RBFOX1: variants seen among roughly 807,000 people sequenced by gnomAD.
The protein encoded by RBFOX1 is RNA binding fox-1 homolog 1.
In RBFOX1, 8 loss-of-function variants were observed where a neutral mutation model predicts 57.7. The ratio of observed to expected loss-of-function variants is 0.14; its 90% confidence interval spans 0.08 to 0.25. The LOEUF (loss-of-function observed/expected upper bound fraction) is 0.25. Ranked by LOEUF, RBFOX1 falls within the 10% of genes least tolerant of loss-of-function variation. The pLI, the probability that RBFOX1 is intolerant of heterozygous loss-of-function variation, is 1.00. For synonymous variants in RBFOX1, 326 were observed against 222.4 expected (o/e 1.47, Z -4.15); for missense variants, 611 against 548.5 (o/e 1.11, Z -1.14).
chr16:5,382,268 A>G (rs570840920), intron 1 of RBFOX1, among the ~76,000 whole-genome samples: 2 of 152,370 alleles, frequency 1.3e-5, no homozygotes, highest in East Asian at 3.9e-4. Context: ...TTTTTAAAAA[A>G]TGCTCAAATA....
chr16:6,196,185 C>A (rs888959685), intron 1 of RBFOX1, among the ~76,000 whole-genome samples: 1 of 152,086 alleles, frequency 6.6e-6, no homozygotes, highest in Non-Finnish European at 1.5e-5. Flanking sequence ...GAAACTGAGG[C>A]CTCAAAGAGT....
intron 3 of RBFOX1, among the ~76,000 whole-genome samples, chr16:6,681,051 C>T (rs149322898): frequency 6.6e-6 from 1 of 152,110 alleles, no homozygotes; most frequent in Non-Finnish European, 1.5e-5. Context: ...TGGCTCACAC[C>T]CATAATGCCA....
At chr16:6,215,360 G>A (rs1174636610) in intron 1 of RBFOX1, among the ~76,000 whole-genome samples, 3 of 146,512 alleles carry the variant, frequency 2.0e-5, no homozygotes, top group Admixed American at 6.8e-5. Flanking sequence ...GAGGGACAGG[G>A]AGAGAAGGAG....
intron 4 of RBFOX1, among the ~76,000 whole-genome samples, chr16:7,227,912 A>G (rs2093251104): frequency 2.0e-5 from 3 of 152,124 alleles, no homozygotes; most frequent in East Asian, 1.9e-4. Flanking sequence ...TTTCCCTTCT[A>G]GCAGGATTTT....
chr16:5,373,045 A>G (rs928522182), intron 1 of RBFOX1, among the ~76,000 whole-genome samples: 2 of 152,194 alleles, frequency 1.3e-5, no homozygotes, highest in Non-Finnish European at 2.9e-5. Context: ...TCACATCTTG[A>G]TATCACCTCT....
chr16:7,679,008 G>C (rs897874021), intron 14 of RBFOX1, among the ~76,000 whole-genome samples: 2 of 152,128 alleles, frequency 1.3e-5, no homozygotes, highest in African/African-American at 2.4e-5. Flanking sequence ...TGGTCTTCTT[G>C]GTTGCTGTGG....
intron 10 of RBFOX1, among the ~76,000 whole-genome samples, chr16:7,612,527 C>T (rs1458396560): frequency 6.6e-6 from 1 of 151,470 alleles, no homozygotes; most frequent in Non-Finnish European, 1.5e-5. Context: ...AATAGTGTTT[C>T]CAAGAATGTG....
At chr16:6,346,812 C>T (rs972928774) in intron 2 of RBFOX1, among the ~76,000 whole-genome samples, 7 of 152,042 alleles carry the variant, frequency 4.6e-5, no homozygotes, top group African/African-American at 7.2e-5. Flanking sequence ...TCATGTCAAA[C>T]GCTGGATCTC....
chr16:7,145,558 A>G (rs2074788354), intron 4 of RBFOX1, among the ~76,000 whole-genome samples: 2 of 152,104 alleles, frequency 1.3e-5, no homozygotes, highest in Non-Finnish European at 2.9e-5. Flanking sequence ...AAGCAAGTGC[A>G]GAACCTCATA....
At chr16:5,940,444 A>G (rs2059256293) in intron 4 of RBFOX1, among the ~76,000 whole-genome samples, 1 of 152,140 alleles carries the variant, frequency 6.6e-6, no homozygotes, top group African/African-American at 2.4e-5. Flanking sequence ...AATTGGAGGG[A>G]CCTTTCCAAG....
chr16:5,261,643 G>T (rs935590166), intron 1 of RBFOX1, among the ~76,000 whole-genome samples: 1 of 145,410 alleles, frequency 6.9e-6, no homozygotes, highest in Non-Finnish European at 1.5e-5. Context: ...TCCGCCTCCC[G>T]GGTTCATGCC....
At chr16:7,115,183 TA>T (rs377485092) in intron 4 of RBFOX1, among the ~76,000 whole-genome samples, 6 of 152,288 alleles carry the variant, frequency 3.9e-5, no homozygotes, top group African/African-American at 1.4e-4. Context: ...AGAAACCTGG[TA>T]TTTTTTTAAT....
chr16:7,376,659 G>A (rs934715386), intron 4 of RBFOX1, among the ~76,000 whole-genome samples: 7 of 152,076 alleles, frequency 4.6e-5, no homozygotes, highest in Admixed American at 3.3e-4. Flanking sequence ...GAAGATCATC[G>A]GTGCTTTTTG....
chr16:6,154,238 A>T (rs2152730660), intron 1 of RBFOX1, among the ~76,000 whole-genome samples: 2 of 152,352 alleles, frequency 1.3e-5, no homozygotes, highest in Admixed American at 1.3e-4. Flanking sequence ...TTGCAAGGTT[A>T]TCAGGTTGGT....
At chr16:7,436,243 A>G (rs139900160) in intron 4 of RBFOX1, among the ~76,000 whole-genome samples, 117 of 152,284 alleles carry the variant, frequency 7.7e-4, no homozygotes, top group Non-Finnish European at 1.1e-3. Context: ...CTATTTGACA[A>G]TGAATCGTGA....
At chr16:7,058,211 C>T (rs922496084) in intron 4 of RBFOX1, among the ~76,000 whole-genome samples, 1 of 152,106 alleles carries the variant, frequency 6.6e-6, no homozygotes. Flanking sequence ...AAGGGGGAAT[C>T]ACTTAGAAAG....
intron 1 of RBFOX1, among the ~76,000 whole-genome samples, chr16:5,315,009 T>C (rs975643859): frequency 2.0e-5 from 3 of 152,086 alleles, no homozygotes; most frequent in South Asian, 4.2e-4. Context: ...GGAAAGGGCA[T>C]TGGGGGCCTC....
chr16:7,279,784 C>G (rs961017536), intron 4 of RBFOX1, among the ~76,000 whole-genome samples: 14 of 152,200 alleles, frequency 9.2e-5, no homozygotes, highest in Admixed American at 9.2e-4. Flanking sequence ...TCCTCTTTCT[C>G]TTATGTGAAA....
intron 14 of RBFOX1, among the ~76,000 whole-genome samples, chr16:7,691,210 C>T (rs2077241748): frequency 7.8e-6 from 1 of 128,252 alleles, no homozygotes; most frequent in South Asian, 2.5e-4. Flanking sequence ...GAGAACTCTG[C>T]CTTGAAACAG....
Sources: allele counts gnomAD v4.1 joint callset (sites outside exome capture counted in the v4.1 genomes callset), GRCh38; gene constraint gnomAD v4.1.1; transcripts MANE v1.5; gene names NCBI Gene and HGNC (gene_info 2026-07-23, HGNC 2026-07-21).